AUTS2: variants seen among roughly 807,000 people sequenced by gnomAD.
The protein encoded by AUTS2 is activator of transcription and developmental regulator AUTS2.
AUTS2 carries 17 observed loss-of-function variants against 112.4 expected under a neutral mutation model. That is an observed-to-expected ratio of 0.15 (90% CI 0.10 to 0.23). AUTS2 has a LOEUF of 0.23. Among genes scored for constraint, AUTS2 ranks in the 10% least tolerant of loss-of-function variants. The pLI, the probability that AUTS2 is intolerant of heterozygous loss-of-function variation, is 1.00. For synonymous variants in AUTS2, 751 were observed against 702.7 expected (o/e 1.07, Z -1.09); for missense variants, 1,510 against 1,701.6 (o/e 0.89, Z 1.98).
intron 5 of AUTS2, among the ~76,000 whole-genome samples, chr7:70,499,505 G>C (rs1366876868): frequency 6.6e-6 from 1 of 152,210 alleles, no homozygotes; most frequent in Non-Finnish European, 1.5e-5. Flanking sequence ...GTCAGAATGT[G>C]AAGGGTCTCA....
intron 4 of AUTS2, among the ~76,000 whole-genome samples, chr7:70,417,422 A>C (rs1451304181): frequency 6.6e-6 from 1 of 152,184 alleles, no homozygotes; most frequent in Admixed American, 6.5e-5. Flanking sequence ...ACTGTCCCAG[A>C]AGCACAGCGA....
At chr7:69,695,351 A>T (rs953929375) in intron 1 of AUTS2, among the ~76,000 whole-genome samples, 30 of 152,106 alleles carry the variant, frequency 2.0e-4, no homozygotes, top group South Asian at 4.1e-4. Context: ...AAATTTTTTT[A>T]AAAATATAAA....
intron 3 of AUTS2, among the ~76,000 whole-genome samples, chr7:70,131,965 G>A (rs1214573394): frequency 2.0e-5 from 3 of 151,764 alleles, no homozygotes; most frequent in Non-Finnish European, 2.9e-5. Flanking sequence ...TTTAATAGAT[G>A]TCACTCCTGT....
intron 4 of AUTS2, among the ~76,000 whole-genome samples, chr7:70,147,888 C>T (rs570145838): frequency 7.2e-5 from 11 of 151,806 alleles, no homozygotes; most frequent in South Asian, 4.2e-4. Context: ...TTTCTGTCAC[C>T]GGCAGTACCT....
intron 4 of AUTS2, among the ~76,000 whole-genome samples, chr7:70,254,214 C>T (rs1225329279): frequency 2.6e-5 from 4 of 152,112 alleles, no homozygotes; most frequent in Admixed American, 1.3e-4. Flanking sequence ...CTGCCAAACA[C>T]GGACACTCTG....
At chr7:70,531,042 G>T (rs1402309549) in intron 5 of AUTS2, among the ~76,000 whole-genome samples, 1 of 91,080 alleles carries the variant, frequency 1.1e-5, no homozygotes, top group African/African-American at 6.0e-5. Context: ...AGCTGTGACA[G>T]ACTGTAAGGT....
intron 1 of AUTS2, among the ~76,000 whole-genome samples, chr7:69,861,037 C>A (rs1228329494): frequency 1.3e-5 from 2 of 152,094 alleles, no homozygotes; most frequent in Non-Finnish European, 2.9e-5. Context: ...CAAAGCCCAC[C>A]TCACAGGCAA....
chr7:70,148,744 C>T (rs998643008), intron 4 of AUTS2, among the ~76,000 whole-genome samples: 6 of 151,702 alleles, frequency 4.0e-5, no homozygotes, highest in African/African-American at 1.2e-4. Context: ...AAACAAAAAA[C>T]GGTGTAAGTG....
Position 69,970,018 on chromosome 7 carries a change from C to T in AUTS2, c.522+70520C>T, listed in dbSNP as rs570896992. On this transcript the variant is annotated intron_variant, in intron 2 of 18. Transcript: ENST00000342771. ...TAAGAGAATACTGTTCACTTGTGAT[C>T]ACTGGAATCATGATCCCTTTCAAAA... Among the ~76,000 whole-genome samples, 7 of 152,260 alleles carry T rather than the reference C, an allele frequency of 4.6e-5. No individual in the cohort carries two copies. The East Asian group carries it at 1.4e-3, about 29-fold the overall frequency.
At chr7:70,693,768 G>A (rs1404465766) in intron 5 of AUTS2, among the ~76,000 whole-genome samples, 1 of 152,218 alleles carries the variant, frequency 6.6e-6, no homozygotes, top group Admixed American at 6.5e-5. Context: ...GCCTTTCCCT[G>A]CCATGGCGCA....
intron 2 of AUTS2, among the ~76,000 whole-genome samples, chr7:69,985,703 A>G (rs1158221435): frequency 6.6e-6 from 1 of 151,468 alleles, no homozygotes; most frequent in Non-Finnish European, 1.5e-5. Context: ...CTCTTAACTC[A>G]AACATTAGCT....
rs529639982 is a variant in AUTS2 at position 69,946,382 on chromosome 7, G to T, written c.522+46884G>T. ...TCCTCAAAAAATTAAATATAGAACT[G>T]CCGTAGGCTTTATCAAATCTGCTTC... is the stretch of plus-strand genomic sequence containing the variant. On this transcript the variant is annotated intron_variant, in intron 2 of 18. Coordinates refer to ENST00000342771, the MANE Select transcript of AUTS2 (RefSeq NM_015570.4). Among the ~76,000 whole-genome samples, 4 of 152,194 alleles carry T rather than the reference G, an allele frequency of 2.6e-5. No individual in the cohort carries two copies. In the South Asian group the frequency reaches 8.3e-4, roughly 32 times the overall value.
intron 1 of AUTS2, among the ~76,000 whole-genome samples, chr7:69,610,520 G>A (rs542099671): frequency 6.1e-4 from 93 of 152,332 alleles, no homozygotes; most frequent in Admixed American, 1.6e-3. Flanking sequence ...AGTCTCTTCA[G>A]ATGGGCATTG....
At chr7:69,839,064 A>T (rs1783886115) in intron 1 of AUTS2, among the ~76,000 whole-genome samples, 1 of 152,102 alleles carries the variant, frequency 6.6e-6, no homozygotes, top group Non-Finnish European at 1.5e-5. Context: ...ATTATTGTAG[A>T]TTTGCAGGAT....
At chr7:69,781,434 A>T (rs1404772268) in intron 1 of AUTS2, among the ~76,000 whole-genome samples, 1 of 152,168 alleles carries the variant, frequency 6.6e-6, no homozygotes. Context: ...TGTGGGCTGG[A>T]GGTACCAGCA....
At chr7:70,772,266 C>G (rs1790400970) in intron 11 of AUTS2, among the ~76,000 whole-genome samples, 1 of 152,212 alleles carries the variant, frequency 6.6e-6, no homozygotes, top group Non-Finnish European at 1.5e-5. Flanking sequence ...TCATCAGTTA[C>G]TAACATCCTA....
Position 70,789,913 on chromosome 7 carries a change from A to G in AUTS2, c.2697A>G (p.Glu899=), listed in dbSNP as rs966036966. Residue 899 remains glutamate, a synonymous_variant, in exon 19 of 19, where the codon GAA becomes GAG. Transcript: ENST00000342771. ...KPKERERDHS[E]SRKDLAADEH... ...AAGAGAGGGAGAGAGACCACTCGGA[A>G]TCCCGCAAGGACCTGGCCGCCGACG... The G allele has an allele frequency of 1.2e-6, 2 of 1,614,072 alleles. No homozygotes were observed. Among genetic ancestry groups the G allele is most frequent in the African/African-American group, 1.3e-5 (1 of 75,030 alleles).
intron 5 of AUTS2, among the ~76,000 whole-genome samples, chr7:70,544,551 C>T (rs765192816): frequency 1.3e-5 from 2 of 152,058 alleles, no homozygotes; most frequent in Non-Finnish European, 2.9e-5. Flanking sequence ...TTGAGGCCTC[C>T]GCTTGAGCAG....
intron 6 of AUTS2, among the ~76,000 whole-genome samples, chr7:70,733,038 A>AT (rs1251032873): frequency 2.6e-5 from 4 of 152,178 alleles, no homozygotes; most frequent in South Asian, 2.1e-4. Flanking sequence ...CAGTTTGTTA[A>AT]TAAAACTCAG....
Sources: allele counts gnomAD v4.1 joint callset (sites outside exome capture counted in the v4.1 genomes callset), GRCh38; gene constraint gnomAD v4.1.1; transcripts MANE v1.5; gene names NCBI Gene and HGNC (gene_info 2026-07-23, HGNC 2026-07-21).